The following SPATA17 variants were observed in gnomAD, a reference collection of about 807,000 sequenced individuals.
SPATA17 encodes the protein spermatogenesis-associated protein 17.
In SPATA17, 53 loss-of-function variants were observed where a neutral mutation model predicts 62.2. The observed-to-expected ratio is 0.85, with a 90% CI of 0.68 to 1.07. The LOEUF is 1.07. Ranked by LOEUF, SPATA17 falls within the 50% of genes least tolerant of loss-of-function variation. SPATA17 has a pLI of 0.00. For synonymous variants in SPATA17, 146 were observed against 146.8 expected, an observed-to-expected ratio of 0.99 and a Z score of 0.04; for missense variants, 466 against 425.5, an observed-to-expected ratio of 1.10 and a Z score of -0.84.
At chr1:217,859,374 T>C (rs1675852750) in intron 9 of SPATA17, among the ~76,000 whole-genome samples, 2 of 150,960 alleles carry the variant, frequency 1.3e-5, no homozygotes, top group African/African-American at 4.9e-5. Flanking sequence ...GTTTATAATG[T>C]TATTTTATTA....
chr1:217,782,293 G>A lies in SPATA17; in HGVS notation c.843G>A (p.Glu281=), dbSNP rs571847022. 1.2e-6 allele frequency: 2 copies of A among 1,609,536 alleles called. No homozygotes were observed. The highest frequency in any genetic ancestry group is 2.7e-5 in the African/African-American group (2 of 74,786). The change falls in exon 8 of 11, where the codon GAG becomes GAA. Residue 281 remains glutamate (E), a synonymous_variant. Coordinates refer to ENST00000366933, the MANE Select transcript of SPATA17 (RefSeq NM_138796.4). The part of the protein sequence containing the change: ...LKLAREELRR[E]EWLQNVNDNM... ...TGGCCAGAGAGGAGCTCAGAAGAGA[G>A]GAATGGCTGCAAAATGTAAATGACA...
chr1:217,787,303 C>A (rs964530772), intron 8 of SPATA17, among the ~76,000 whole-genome samples: 5 of 152,140 alleles, frequency 3.3e-5, no homozygotes, highest in African/African-American at 7.2e-5. Flanking sequence ...GATTATTATT[C>A]AGCTAAAATG....
At chr1:217,667,399 G>A (rs1183346884) in intron 3 of SPATA17, among the ~76,000 whole-genome samples, 2 of 152,096 alleles carry the variant, frequency 1.3e-5, no homozygotes, top group Non-Finnish European at 2.9e-5. Flanking sequence ...AATGTGTAAT[G>A]TGAGCACTAC....
intron 6 of SPATA17, among the ~76,000 whole-genome samples, chr1:217,770,251 T>C (rs755504308): frequency 2.0e-5 from 3 of 152,210 alleles, no homozygotes; most frequent in Non-Finnish European, 2.9e-5. Context: ...CAGAAATTTT[T>C]AATCAAGAGG....
chr1:217,646,407 A>C lies in SPATA17; in HGVS notation c.69-2475A>C, dbSNP rs189872539. ...TTGCTATAGATGTTTGTATCATTTCAAATACTCATCTCTCAGTTTATTTTA... is the reference window on the plus strand; with the variant it reads ...TTGCTATAGATGTTTGTATCATTTCCAATACTCATCTCTCAGTTTATTTTA... On this transcript the variant is annotated intron_variant, in intron 1 of 10. Coordinates refer to ENST00000366933, the MANE Select transcript of SPATA17 (RefSeq NM_138796.4). Among the ~76,000 whole-genome samples, 6 of 152,272 alleles carry C rather than the reference A, an allele frequency of 3.9e-5. No individual in the cohort carries two copies. In the East Asian group the frequency reaches 1.2e-3, roughly 29 times the overall value.
At chr1:217,697,171 T>A (rs1334764170) in intron 5 of SPATA17, among the ~76,000 whole-genome samples, 7 of 152,116 alleles carry the variant, frequency 4.6e-5, no homozygotes, top group Non-Finnish European at 7.4e-5. Flanking sequence ...ACCATGCTAA[T>A]TTTTTGTATT....
intron 5 of SPATA17, among the ~76,000 whole-genome samples, chr1:217,689,429 T>A (rs1191572990): frequency 6.6e-6 from 1 of 152,064 alleles, no homozygotes; most frequent in Non-Finnish European, 1.5e-5. Context: ...TTTCGCCATG[T>A]TGGCCAGGCT....
intron 9 of SPATA17, among the ~76,000 whole-genome samples, chr1:217,859,230 T>C (rs1675847497): frequency 1.4e-5 from 2 of 146,710 alleles, no homozygotes; most frequent in African/African-American, 4.9e-5. Flanking sequence ...ATATAATATA[T>C]AAAATTTTAT....
chr1:217,762,834 TG>T (rs1247278033), intron 6 of SPATA17, among the ~76,000 whole-genome samples: 1 of 152,080 alleles, frequency 6.6e-6, no homozygotes. Context: ...TAGCTGGGCG[TG>T]GTGGTGTGTA....
intron 9 of SPATA17, among the ~76,000 whole-genome samples, chr1:217,813,244 C>T (rs1248411572): frequency 9.9e-5 from 15 of 152,092 alleles, no homozygotes; most frequent in Admixed American, 9.2e-4. Context: ...CCATTGCACC[C>T]GGTGATTGAA....
At chr1:217,841,669 C>A (rs1389642012) in intron 9 of SPATA17, among the ~76,000 whole-genome samples, 1 of 151,844 alleles carries the variant, frequency 6.6e-6, no homozygotes, top group Non-Finnish European at 1.5e-5. Flanking sequence ...ATGCCTGTAA[C>A]CTCAACACTT....
At chr1:217,796,915 CT>C (rs1674164090) in intron 8 of SPATA17, among the ~76,000 whole-genome samples, 2 of 152,086 alleles carry the variant, frequency 1.3e-5, no homozygotes, top group Admixed American at 1.3e-4. Context: ...TTTAGTAAAA[CT>C]CAAACTATTC....
intron 6 of SPATA17, among the ~76,000 whole-genome samples, chr1:217,768,181 G>A (rs1270051071): frequency 6.6e-6 from 1 of 152,016 alleles, no homozygotes; most frequent in Non-Finnish European, 1.5e-5. Context: ...GGAGGCGGAG[G>A]TTGCAGTGAG....
intron 7 of SPATA17, among the ~76,000 whole-genome samples, chr1:217,779,798 T>G (rs17046838): frequency 1.3e-5 from 2 of 151,862 alleles, no homozygotes; most frequent in Non-Finnish European, 2.9e-5. Context: ...CAGAGTAGCT[T>G]TACTTGCCAG....
chr1:217,669,169 G>A, intron 4 of SPATA17, 86 bp downstream of exon 4: 1 of 1,181,926 alleles, frequency 8.5e-7, no homozygotes, highest in Non-Finnish European at 1.2e-6. Context: ...GCAGAATAAT[G>A]CAAATTTGAT....
chr1:217,775,916 T>A lies in SPATA17; in HGVS notation c.723+1379T>A, dbSNP rs970783269. ...AGAAGTTAAAACATGGATTATTTCC[T>A]AGAATCTAGATTTTTTATGTAAAAA... is the stretch of plus-strand genomic sequence containing the variant. On this transcript the variant is annotated intron_variant, in intron 7 of 10. Transcript: ENST00000366933. 3.9e-5 allele frequency among the ~76,000 whole-genome samples: 6 copies of A among 152,150 alleles called. No homozygotes were observed. In the South Asian group the frequency reaches 6.2e-4, roughly 16 times the overall value.
intron 4 of SPATA17, among the ~76,000 whole-genome samples, chr1:217,670,995 T>A (rs1670820252): frequency 6.6e-6 from 1 of 151,306 alleles, no homozygotes; most frequent in African/African-American, 2.4e-5. Flanking sequence ...CCCTTTTCTG[T>A]TTTAGAAACA....
intron 5 of SPATA17, among the ~76,000 whole-genome samples, chr1:217,685,642 G>A (rs1429863027): frequency 1.3e-5 from 2 of 151,978 alleles, no homozygotes; most frequent in African/African-American, 4.8e-5. Context: ...ATTAATAGAT[G>A]TACTAATATC....
intron 10 of SPATA17, among the ~76,000 whole-genome samples, chr1:217,864,109 T>A (rs1209175210): frequency 6.6e-6 from 1 of 152,222 alleles, no homozygotes; most frequent in Non-Finnish European, 1.5e-5. Context: ...TAATAGGAAA[T>A]GTATATATAA....
Sources: allele counts gnomAD v4.1 joint callset (sites outside exome capture counted in the v4.1 genomes callset), GRCh38; gene constraint gnomAD v4.1.1; transcripts MANE v1.5; gene names NCBI Gene and HGNC (gene_info 2026-07-23, HGNC 2026-07-21).